The following PPTC7 variants were observed in gnomAD, a reference collection of about 807,000 sequenced individuals.
PPTC7 encodes protein phosphatase PTC7 homolog.
A neutral mutation model predicts 30.8 loss-of-function variants in PPTC7; 6 were observed. The ratio of observed to expected loss-of-function variants is 0.19; its 90% confidence interval spans 0.11 to 0.38. The LOEUF is 0.38. Ranked by LOEUF, PPTC7 falls within the 10% of genes least tolerant of loss-of-function variation. The pLI is 1.00. For synonymous variants in PPTC7, 163 were observed against 168.1 expected, an observed-to-expected ratio of 0.97 and a Z score of 0.23; for missense variants, 218 against 404.8, an observed-to-expected ratio of 0.54 and a Z score of 3.96.
At position 110,534,597 on chromosome 12, in the gene PPTC7, C is replaced by G. The variant is rs985481964; in HGVS notation, c.*2440G>C. The stretch of plus-strand genomic sequence containing the variant: ...GTTAAGCAGCACTCCAGCTGACCCC[C>G]CCGGCAGTCATAAAATTAAGTGCAT... On this transcript the variant is annotated 3_prime_UTR_variant, in exon 6 of 6. Coordinates refer to ENST00000354300, the MANE Select transcript of PPTC7 (RefSeq NM_139283.2). 6.6e-6 allele frequency: 1 copy of G among 151,908 alleles called. No individual in the cohort carries two copies. Among genetic ancestry groups the G allele is most frequent in the South Asian group, 2.1e-4 (1 of 4,792 alleles). 9.4% of individuals were successfully genotyped at this position (151,908 alleles called of 1,614,324 possible).
intron 4 of PPTC7, among the ~76,000 whole-genome samples, chr12:110,539,415 A>C (rs1217652027): frequency 1.3e-5 from 2 of 152,204 alleles, no homozygotes; most frequent in African/African-American, 4.8e-5. Context: ...CTATTTGGTT[A>C]CTGGTGGCAG....
intron 3 of PPTC7, among the ~76,000 whole-genome samples, chr12:110,540,323 T>TCCC (rs2064249501): frequency 7.6e-6 from 1 of 132,352 alleles, no homozygotes; most frequent in Non-Finnish European, 1.6e-5. Flanking sequence ...CCCCCCGCCT[T>TCCC]TTTTTTTTTT....
chr12:110,571,861 A>G (rs1042734657), intron 1 of PPTC7, among the ~76,000 whole-genome samples: 1 of 152,240 alleles, frequency 6.6e-6, no homozygotes, highest in African/African-American at 2.4e-5. Context: ...AACAATGCAT[A>G]CATAAGGCAT....
At position 110,583,279 on chromosome 12, in the gene PPTC7, A is replaced by AGCGGCCGCCGCCGCC. The variant is rs1555216604; in HGVS notation, c.-263_-249dup. On this transcript the variant is annotated 5_prime_UTR_variant, in exon 1 of 6. Transcript: ENST00000354300. ...TCAGCCCAACTGAAGTCCCGGCTGCAGCGGCCGCCGCCGCCGCCGCCATCT... is the reference window on the plus strand; with the variant it reads ...TCAGCCCAACTGAAGTCCCGGCTGCAGCGGCCGCCGCCGCCGCGGCCGCCGCCGCCGCCGCCATCT... 1 of 159,146 alleles carries AGCGGCCGCCGCCGCC rather than the reference A, an allele frequency of 6.3e-6. No individual in the cohort carries two copies. The highest frequency in any genetic ancestry group is 1.3e-5 in the Non-Finnish European group (1 of 75,394). 9.9% of individuals were successfully genotyped at this position (159,146 alleles called of 1,614,324 possible). A position where few individuals can be genotyped will look rare whatever the true frequency, so the allele number is the denominator to read the frequency against.
In PPTC7 at chr12:110,559,187, C is replaced by T. The variant is rs1042515293; in HGVS notation, c.224-7219G>A. On this transcript the variant is annotated intron_variant, in intron 1 of 5. Transcript: ENST00000354300. ...TACAGGAATGCACCAACACACACAA[C>T]TCATTTTTTTAAAAATTTTTTTTGT... is the stretch of plus-strand genomic sequence containing the variant. Among the ~76,000 whole-genome samples the T allele has an allele frequency of 2.6e-5, 4 of 151,970 alleles. No individual in the cohort carries two copies. In the East Asian group the frequency reaches 7.8e-4, roughly 30 times the overall value.
At chr12:110,561,543 T>C (rs1463813438) in intron 1 of PPTC7, among the ~76,000 whole-genome samples, 1 of 152,226 alleles carries the variant, frequency 6.6e-6, no homozygotes, top group Non-Finnish European at 1.5e-5. Context: ...CTCAAACTCC[T>C]GACCTCAAGT....
At chr12:110,579,148 CAAAA>C (rs58157987) in intron 1 of PPTC7, among the ~76,000 whole-genome samples, 1 of 130,508 alleles carries the variant, frequency 7.7e-6, no homozygotes, top group Non-Finnish European at 1.7e-5. Flanking sequence ...GACTCTATCT[CAAAA>C]AAAAAAAAAA....
intron 1 of PPTC7, among the ~76,000 whole-genome samples, chr12:110,574,783 A>G (rs1339186524): frequency 2.0e-5 from 3 of 151,820 alleles, no homozygotes; most frequent in African/African-American, 7.3e-5. Flanking sequence ...TCAGATTATT[A>G]TTATTATTAT....
intron 3 of PPTC7, among the ~76,000 whole-genome samples, chr12:110,541,461 A>G (rs569113397): frequency 1.3e-5 from 2 of 152,060 alleles, no homozygotes; most frequent in African/African-American, 4.8e-5. Flanking sequence ...TAATCCCTGC[A>G]CTTTGGGAGG....
intron 2 of PPTC7, 91 bp from the exon 3 acceptor site, chr12:110,546,169 A>G: frequency 1.0e-6 from 1 of 1,001,254 alleles, no homozygotes; most frequent in South Asian, 1.4e-5. Flanking sequence ...GCAACACACC[A>G]TAATTTCAAT....
intron 4 of PPTC7, 59 bp downstream of exon 4, chr12:110,539,763 A>G (rs2135758909): frequency 1.9e-6 from 3 of 1,542,124 alleles, no homozygotes; most frequent in Non-Finnish European, 2.6e-6. Context: ...CTGAATCCAT[A>G]AAACTCAGCT....
At position 110,536,510 on chromosome 12, in the gene PPTC7, C is replaced by T. The variant is rs1157777866; in HGVS notation, c.*527G>A. The T allele has an allele frequency of 6.6e-6, 1 of 152,232 alleles. No homozygotes were observed. Among genetic ancestry groups the T allele is most frequent in the African/African-American group, 2.4e-5 (1 of 41,444 alleles). The allele number at this position is 152,232 out of a possible 1,614,324, so 9.4% of individuals were successfully genotyped here. A position where few individuals can be genotyped will look rare whatever the true frequency, so the allele number is the denominator to read the frequency against. On this transcript the variant is annotated 3_prime_UTR_variant, in exon 6 of 6. Coordinates refer to ENST00000354300, the MANE Select transcript of PPTC7 (RefSeq NM_139283.2). ...TGTTTTAGAGCAGAATCATAAGCCC[C>T]TGAAAAATAGGAGTTTATAACAAAG...
chr12:110,569,509 A>C (rs1259860879), intron 1 of PPTC7, among the ~76,000 whole-genome samples: 1 of 152,192 alleles, frequency 6.6e-6, no homozygotes, highest in Admixed American at 6.5e-5. Context: ...CTCATCTGTG[A>C]AATGAGGGGC....
At chr12:110,577,507 A>G (rs2064599871) in intron 1 of PPTC7, among the ~76,000 whole-genome samples, 1 of 152,084 alleles carries the variant, frequency 6.6e-6, no homozygotes, top group Admixed American at 6.5e-5. Flanking sequence ...AATGATCATG[A>G]CTGTTTGAAA....
chr12:110,564,480 TTAGATC>T (rs1285397501), intron 1 of PPTC7, among the ~76,000 whole-genome samples: 7 of 152,154 alleles, frequency 4.6e-5, no homozygotes, highest in Non-Finnish European at 1.0e-4. Flanking sequence ...ATTTACAAGA[TTAGATC>T]TAGAATTCTT....
chr12:110,574,412 T>C (rs1285693062), intron 1 of PPTC7, among the ~76,000 whole-genome samples: 1 of 151,984 alleles, frequency 6.6e-6, no homozygotes, highest in Non-Finnish European at 1.5e-5. Flanking sequence ...ATGTTTTGTG[T>C]CAGATATGAA....
chr12:110,540,890 C>T (rs980512319), intron 3 of PPTC7, among the ~76,000 whole-genome samples: 5 of 151,796 alleles, frequency 3.3e-5, no homozygotes, highest in African/African-American at 1.2e-4. Flanking sequence ...ATTCTCCTGG[C>T]GCAGCCTCCC....
intron 1 of PPTC7, among the ~76,000 whole-genome samples, chr12:110,568,806 T>C (rs2064508247): frequency 6.6e-6 from 1 of 152,172 alleles, no homozygotes; most frequent in Non-Finnish European, 1.5e-5. Flanking sequence ...TCACAAGGTG[T>C]CATTCCCTGG....
chr12:110,545,248 A>C (rs901090345), intron 3 of PPTC7, among the ~76,000 whole-genome samples: 1 of 152,068 alleles, frequency 6.6e-6, no homozygotes, highest in Non-Finnish European at 1.5e-5. Context: ...GCCCGCCATC[A>C]CGCCCAGCTA....
Sources: gnomAD v4.1 joint callset for allele counts (sites outside exome capture counted in the v4.1 genomes callset) on GRCh38, gnomAD v4.1.1 for gene constraint, MANE v1.5 for transcripts, NCBI Gene and HGNC (gene_info 2026-07-23, HGNC 2026-07-21) for gene names.